The following PALLD variants were observed in gnomAD, a reference collection of about 807,000 sequenced individuals.
PALLD encodes palladin.
A neutral mutation model predicts 123.5 loss-of-function variants in PALLD; 61 were observed. That is an observed-to-expected ratio of 0.49 (90% CI 0.40 to 0.61). The LOEUF (loss-of-function observed/expected upper bound fraction) is 0.61. Among genes scored for constraint, PALLD ranks in the 20% least tolerant of loss-of-function variants. The pLI is 0.00. For synonymous variants in PALLD, 465 were observed against 496.4 expected (o/e 0.94, Z 0.84); for missense variants, 1,273 against 1,377.0 (o/e 0.92, Z 1.20).
intron 10 of PALLD, among the ~76,000 whole-genome samples, chr4:168,801,478 C>T (rs1255934428): frequency 6.6e-6 from 1 of 152,140 alleles, no homozygotes; most frequent in Non-Finnish European, 1.5e-5. Context: ...CAGGGTTTCA[C>T]CACGTTAGCC....
chr4:168,767,457 C>T (rs1733824376), intron 10 of PALLD, among the ~76,000 whole-genome samples: 1 of 152,038 alleles, frequency 6.6e-6, no homozygotes, highest in Non-Finnish European at 1.5e-5. Flanking sequence ...TTAACTTAGG[C>T]TAATACCAGT....
At chr4:168,806,420 C>T (rs528875323) in intron 10 of PALLD, among the ~76,000 whole-genome samples, 5 of 152,256 alleles carry the variant, frequency 3.3e-5, no homozygotes, top group African/African-American at 1.2e-4. Flanking sequence ...TTTCTCTCTC[C>T]AACTCCACCA....
chr4:168,519,516 A>AT (rs1580097175), intron 2 of PALLD, among the ~76,000 whole-genome samples: 1 of 72,204 alleles, frequency 1.4e-5, no homozygotes, highest in East Asian at 6.2e-4. Context: ...GCTTTTTAAA[A>AT]TGTTTTTTTT....
At chr4:168,768,990 A>C (rs987306020) in intron 10 of PALLD, among the ~76,000 whole-genome samples, 1 of 152,180 alleles carries the variant, frequency 6.6e-6, no homozygotes, top group African/African-American at 2.4e-5. Flanking sequence ...CACCATGCCC[A>C]GCTAATTTTT....
At chr4:168,922,569 CAAGA>C (rs1761797295) in intron 18 of PALLD, among the ~76,000 whole-genome samples, 1 of 152,074 alleles carries the variant, frequency 6.6e-6, no homozygotes, top group African/African-American at 2.4e-5. Context: ...TGAGCTCTTT[CAAGA>C]AATAGAGTAG....
chr4:168,534,723 C>T (rs564114286), intron 2 of PALLD, among the ~76,000 whole-genome samples: 9 of 152,182 alleles, frequency 5.9e-5, no homozygotes, highest in Non-Finnish European at 1.2e-4. Flanking sequence ...GACATCTTTT[C>T]AACCACATAC....
chr4:168,811,513 T>A (rs533850531), intron 10 of PALLD, among the ~76,000 whole-genome samples: 1 of 152,226 alleles, frequency 6.6e-6, no homozygotes, highest in African/African-American at 2.4e-5. Context: ...GCTGGGAGGA[T>A]CTCTTGAGTC....
chr4:168,694,578 T>C (rs1366029192), intron 8 of PALLD, among the ~76,000 whole-genome samples: 1 of 152,152 alleles, frequency 6.6e-6, no homozygotes, highest in Non-Finnish European at 1.5e-5. Flanking sequence ...TCCTTATTCA[T>C]GGGCAAGATG....
intron 13 of PALLD, 86 bp downstream of exon 13, chr4:168,896,685 T>A (rs1755254693): frequency 4.1e-6 from 3 of 740,048 alleles, no homozygotes; most frequent in Middle Eastern, 2.3e-4. Flanking sequence ...TGTTTCTATC[T>A]TTTCTGCCAT....
intron 3 of PALLD, among the ~76,000 whole-genome samples, chr4:168,679,420 A>AT (rs1781296300): frequency 1.9e-5 from 1 of 51,748 alleles, no homozygotes; most frequent in African/African-American, 8.8e-5. Context: ...TGCGTGTGGT[A>AT]GGGTATGGAT....
chr4:168,642,986 AGG>A (rs1346455535), intron 2 of PALLD, among the ~76,000 whole-genome samples: 1 of 152,220 alleles, frequency 6.6e-6, no homozygotes, highest in Non-Finnish European at 1.5e-5. Context: ...CTGGAAGGAA[AGG>A]GGTGTTTGGA....
At position 168,925,107 on chromosome 4, in the gene PALLD, C is replaced by G. The variant is rs762959871; in HGVS notation, c.3358+29C>G. The G allele has an allele frequency of 1.1e-5, 18 of 1,609,156 alleles. No homozygotes were observed. In the South Asian group the frequency reaches 1.9e-4, roughly 17 times the overall value. On this transcript the variant is annotated intron_variant, in intron 20 of 21. Coordinates refer to ENST00000505667, the MANE Select transcript of PALLD (RefSeq NM_001166108.2). ...AGTGCCACTTCATCTCATTTCATTG[C>G]GTTTACTCATTAAATTATGAAAAAT... is the stretch of plus-strand genomic sequence containing the variant.
At chr4:168,676,385 A>G (rs1406712796) in intron 3 of PALLD, among the ~76,000 whole-genome samples, 2 of 152,064 alleles carry the variant, frequency 1.3e-5, no homozygotes, top group Non-Finnish European at 2.9e-5. Context: ...AAAGAAGTAA[A>G]TAATAGAAAT....
intron 15 of PALLD, among the ~76,000 whole-genome samples, chr4:168,912,397 A>T (rs1203584321): frequency 2.6e-5 from 4 of 152,162 alleles, no homozygotes; most frequent in Admixed American, 6.5e-5. Context: ...ACATCTTCTC[A>T]TTCTTCTGAG....
At chr4:168,723,975 C>G (rs1423435199) in intron 10 of PALLD, among the ~76,000 whole-genome samples, 1 of 150,078 alleles carries the variant, frequency 6.7e-6, no homozygotes, top group African/African-American at 2.5e-5. Context: ...TCACTGCAAC[C>G]TCTGCCTGCG....
Position 168,556,981 on chromosome 4 carries a change from C to A in PALLD, c.908+44569C>A, listed in dbSNP as rs186969988. On this transcript the variant is annotated intron_variant, in intron 2 of 21. Coordinates refer to ENST00000505667, the MANE Select transcript of PALLD (RefSeq NM_001166108.2). The stretch of plus-strand genomic sequence containing the variant: ...GAGCAAGTGTTCCTGTAATCAGCCT[C>A]CCCCGGGAACTGTCAGTATTCAATG... 2.7e-3 allele frequency among the ~76,000 whole-genome samples: 410 copies of A among 152,196 alleles called. 5 individuals are homozygous for A. The highest frequency in any genetic ancestry group is 2.7e-3 in the Non-Finnish European group (181 of 68,014).
chr4:168,880,743 A>G (rs1453728528), intron 10 of PALLD, among the ~76,000 whole-genome samples: 1 of 152,242 alleles, frequency 6.6e-6, no homozygotes, highest in Non-Finnish European at 1.5e-5. Context: ...AGTTTCACTT[A>G]TAAGTGTTAT....
At chr4:168,829,477 G>A (rs1743894432) in intron 10 of PALLD, among the ~76,000 whole-genome samples, 2 of 152,136 alleles carry the variant, frequency 1.3e-5, no homozygotes, top group South Asian at 2.1e-4. Context: ...TGCTCTTTAT[G>A]TTGTGAAAGG....
At chr4:168,780,963 C>A (rs1735832475) in intron 10 of PALLD, among the ~76,000 whole-genome samples, 1 of 152,196 alleles carries the variant, frequency 6.6e-6, no homozygotes, top group Non-Finnish European at 1.5e-5. Context: ...GCTGGAATTA[C>A]AGGCATGAGC....
Sources: allele counts gnomAD v4.1 joint callset (sites outside exome capture counted in the v4.1 genomes callset), GRCh38; gene constraint gnomAD v4.1.1; transcripts MANE v1.5; gene names NCBI Gene and HGNC (gene_info 2026-07-23, HGNC 2026-07-21).